Variants in R3HCC1 observed in about 807,000 individuals in gnomAD.
R3HCC1 encodes R3H domain and coiled-coil containing 1.
A neutral mutation model predicts 40.0 loss-of-function variants in R3HCC1; 32 were observed. The ratio of observed to expected loss-of-function variants is 0.80; its 90% CI spans 0.60 to 1.07. R3HCC1 has a LOEUF of 1.07. Ranked by LOEUF, R3HCC1 falls within the 50% of genes least tolerant of loss-of-function variation. The probability of loss-of-function intolerance (pLI) is 0.00; values close to 1 mark genes in which losing one functional copy is unlikely to be tolerated. For synonymous variants in R3HCC1, 237 were observed against 232.8 expected (o/e 1.02, Z -0.17); for missense variants, 586 against 563.3 (o/e 1.04, Z -0.41).
At chr8:23,290,854 C>T (rs1282261061) in intron 4 of R3HCC1, 2 of 245,918 alleles carry the variant, frequency 8.1e-6, no homozygotes, top group Non-Finnish European at 7.9e-6. Context: ...TCTTATAAAT[C>T]TTGTTTTCTT....
At chr8:23,289,331 T>G (rs966930988) in intron 3 of R3HCC1, among the ~76,000 whole-genome samples, 178 bp downstream of exon 3, 3 of 152,246 alleles carry the variant, frequency 2.0e-5, no homozygotes, top group Non-Finnish European at 4.4e-5. Flanking sequence ...GGAGCAGATA[T>G]GCAGTTTGTG....
rs533528847 is a variant in R3HCC1, at chr8:23,291,548, G to C, written c.1025+15G>C. 1 of 1,549,670 alleles carries C rather than the reference G, an allele frequency of 6.5e-7. No homozygotes were observed. The highest frequency in any genetic ancestry group is 2.0e-5 in the Admixed American group (1 of 50,990). The stretch of plus-strand genomic sequence containing the variant: ...TCTGAGTTCCAGTGAGTGGTGGCTG[G>C]GGAGGTGCTGCCTTCAGAGAGGAGC... On this transcript the variant is annotated intron_variant, in intron 5 of 7. Coordinates refer to ENST00000265806, the MANE Select transcript of R3HCC1 (RefSeq NM_001136108.3).
At position 23,291,424 on chromosome 8, in the gene R3HCC1, T is replaced by C. The variant is rs1159295827; in HGVS notation, c.916T>C (p.Phe306Leu). The C allele has an allele frequency of 3.2e-6, 5 of 1,551,510 alleles. No homozygotes were observed. Among genetic ancestry groups the C allele is most frequent in the Non-Finnish European group, 2.6e-6 (3 of 1,146,856 alleles). The change falls in exon 5 of 8, where the codon TTC becomes CTC. Residue 306 changes from phenylalanine to leucine, a missense_variant. By Grantham distance (22) the Phe-to-Leu change is conservative (BLOSUM62 0). Transcript: ENST00000265806. ...GAAGATCCATTTGGACACATCCTCC[T>C]TCGTGGAGGAGCTGCCTGGAGAGAA...
At chr8:23,288,355 C>T (rs1802786056) in intron 1 of R3HCC1, 151 bp from the exon 2 acceptor site, 2 of 1,225,192 alleles carry the variant, frequency 1.6e-6, no homozygotes, top group South Asian at 1.5e-5. Flanking sequence ...TTCCCTGACC[C>T]CTGACTTGCC....
intron 5 of R3HCC1, among the ~76,000 whole-genome samples, 181 bp from the exon 6 acceptor site, chr8:23,293,122 A>G (rs10101089): frequency 0.57 from 86,562 of 151,968 alleles, 24,891 homozygotes; most frequent in East Asian, 0.81. Flanking sequence ...TTCTGAAGCC[A>G]ACCATATGGG....
At chr8:23,289,507 A>G (rs1380448788) in intron 3 of R3HCC1, among the ~76,000 whole-genome samples, 2 of 151,984 alleles carry the variant, frequency 1.3e-5, no homozygotes, top group African/African-American at 2.4e-5. Context: ...CTCTGTTCCC[A>G]TGTGCGTCTC....
At chr8:23,288,459 C>G (rs1378864183) in intron 1 of R3HCC1, 47 bp from the exon 2 acceptor site, 2 of 1,529,352 alleles carry the variant, frequency 1.3e-6, no homozygotes, top group Non-Finnish European at 1.8e-6. Context: ...CGCGGGAGAT[C>G]CGGGGGTCTG....
In R3HCC1 at chr8:23,296,160, A is replaced by G. The variant is rs1393356560; in HGVS notation, c.*63A>G. On this transcript the variant is annotated 3_prime_UTR_variant, in exon 8 of 8. Coordinates refer to ENST00000265806, the MANE Select transcript of R3HCC1 (RefSeq NM_001136108.3). ...CGTAGCTGGCGCCCCCAACACCATAAGCCTTCACAGACGCCAGAGCAGCCC... is the reference window on the plus strand; with the variant it reads ...CGTAGCTGGCGCCCCCAACACCATAGGCCTTCACAGACGCCAGAGCAGCCC... 3 of 1,498,404 alleles carry G rather than the reference A, an allele frequency of 2.0e-6. No homozygotes were observed. The African/African-American group carries it at 4.2e-5, about 21-fold the overall frequency. 92.8% of individuals were successfully genotyped at this position (1,498,404 alleles called of 1,614,324 possible).
chr8:23,288,954 G>C, intron 2 of R3HCC1, 62 bp from the exon 3 acceptor site: 1 of 1,516,966 alleles, frequency 6.6e-7, no homozygotes, highest in Non-Finnish European at 8.8e-7. Flanking sequence ...TAACCTGGGA[G>C]TGGACCTGGT....
At chr8:23,288,660 C>T (rs548896432) in intron 2 of R3HCC1, 27 bp downstream of exon 2, 3 of 1,533,288 alleles carry the variant, frequency 2.0e-6, no homozygotes, top group East Asian at 2.5e-5. Flanking sequence ...GGCGAGGGTG[C>T]CGCCTTGCTG....
At position 23,296,140 on chromosome 8, in the gene R3HCC1, C is replaced by T. The variant is rs1473662096; in HGVS notation, c.*43C>T. 1 of 1,527,786 alleles carries T rather than the reference C, an allele frequency of 6.5e-7. No homozygotes were observed. The highest frequency in any genetic ancestry group is 1.4e-5 in the African/African-American group (1 of 72,336). 94.6% of individuals were successfully genotyped at this position (1,527,786 alleles called of 1,614,324 possible). The stretch of plus-strand genomic sequence containing the variant: ...GGCCTGGATCTGCGTCCCGACGTAG[C>T]TGGCGCCCCCAACACCATAAGCCTT... On this transcript the variant is annotated 3_prime_UTR_variant, in exon 8 of 8. Transcript: ENST00000265806.
intron 5 of R3HCC1, among the ~76,000 whole-genome samples, chr8:23,293,084 C>G (rs1398868760): frequency 2.6e-5 from 4 of 152,160 alleles, no homozygotes; most frequent in Non-Finnish European, 5.9e-5. Context: ...GGTGACCTGC[C>G]TGACATTGAC....
chr8:23,291,391 C>G lies in R3HCC1; in HGVS notation c.883C>G (p.Gln295Glu). ...AGACAACCTGACGAAGAAGGAGATT[C>G]AGATAGAGAAGATCCATTTGGACAC... The change falls in exon 5 of 8, where the codon CAG (glutamine) becomes GAG (glutamate). Residue 295 changes from glutamine (Q) to glutamate (E), a missense_variant. Gln to Glu is a conservative substitution (Grantham distance 29, BLOSUM62 2). Coordinates refer to ENST00000265806, the MANE Select transcript of R3HCC1 (RefSeq NM_001136108.3). The G allele has an allele frequency of 1.9e-6, 3 of 1,551,758 alleles. No individual in the cohort carries two copies. The highest frequency in any genetic ancestry group is 1.4e-5 in the African/African-American group (1 of 73,160).
rs749668118 is a variant in R3HCC1 at position 23,290,129 on chromosome 8, G to A, written c.512G>A (p.Gly171Glu). Residue 171 changes from glycine to glutamate, a missense_variant, in exon 4 of 8, where the codon GGA becomes GAA. Transcript: ENST00000265806. ...GCTGGCAGGGACCCAGAAGAGCCTG[G>A]AGATGTTGGTGCTGGAGACCCCAAC... is the stretch of plus-strand genomic sequence containing the variant. 3 of 1,551,476 alleles carry A rather than the reference G, an allele frequency of 1.9e-6. No homozygotes were observed. The East Asian group carries it at 7.3e-5, about 38-fold the overall frequency.
At chr8:23,288,199 G>A in intron 1 of R3HCC1, 42 bp downstream of exon 1, 2 of 1,203,296 alleles carry the variant, frequency 1.7e-6, no homozygotes, top group African/African-American at 1.6e-5. Context: ...CCCGACCCCC[G>A]GGCTCCCGGG....
rs1000330262 is a variant in R3HCC1 at position 23,295,876 on chromosome 8, G to C, written c.1193-91G>C. 120 of 1,446,588 alleles carry C rather than the reference G, an allele frequency of 8.3e-5. No homozygotes were observed. In the South Asian group the frequency reaches 1.7e-3, roughly 21 times the overall value. 89.6% of individuals were successfully genotyped at this position (1,446,588 alleles called of 1,614,324 possible). On this transcript the variant is annotated intron_variant, in intron 7 of 7. Coordinates refer to ENST00000265806, the MANE Select transcript of R3HCC1 (RefSeq NM_001136108.3). ...CCCCACATGTGTCACATGAGAGGCTGGCTCTGATGGCTTGTACGGCTGCTG... is the reference window on the plus strand; with the variant it reads ...CCCCACATGTGTCACATGAGAGGCTCGCTCTGATGGCTTGTACGGCTGCTG...
intron 3 of R3HCC1, among the ~76,000 whole-genome samples, chr8:23,289,563 A>T (rs560948143): frequency 1.5e-4 from 23 of 152,256 alleles, no homozygotes; most frequent in African/African-American, 5.3e-4. Flanking sequence ...GTTTGAAGTG[A>T]CATGTTTTTC....
rs551409315 is a variant in R3HCC1 at position 23,293,960 on chromosome 8, C to T, written c.1096+587C>T. On this transcript the variant is annotated intron_variant, in intron 6 of 7. Coordinates refer to ENST00000265806, the MANE Select transcript of R3HCC1 (RefSeq NM_001136108.3). ...TGCCTGCATTGCCCTGCCACACCACCGTGCTTACATTTGGTATAATTTATA... is the reference window on the plus strand; with the variant it reads ...TGCCTGCATTGCCCTGCCACACCACTGTGCTTACATTTGGTATAATTTATA... Among the ~76,000 whole-genome samples the T allele has an allele frequency of 1.2e-4, 18 of 152,290 alleles. No homozygotes were observed. In the South Asian group the frequency reaches 3.3e-3, roughly 28 times the overall value.
intron 7 of R3HCC1, among the ~76,000 whole-genome samples, 200 bp downstream of exon 7, chr8:23,295,064 AGG>A (rs1169971333): frequency 6.6e-6 from 1 of 151,808 alleles, no homozygotes; most frequent in Non-Finnish European, 1.5e-5. Context: ...TAGCAGGCCT[AGG>A]GGGGGTCTGG....
Sources: allele counts gnomAD v4.1 joint callset (sites outside exome capture counted in the v4.1 genomes callset), GRCh38; gene constraint gnomAD v4.1.1; transcripts MANE v1.5; gene names NCBI Gene and HGNC (gene_info 2026-07-23, HGNC 2026-07-21).